LDLRAD3: variants seen among roughly 807,000 people sequenced by gnomAD.
The protein encoded by LDLRAD3 is low-density lipoprotein receptor class A domain-containing protein 3.
LDLRAD3 carries 20 observed loss-of-function variants against 29.4 expected under a neutral mutation model. The observed-to-expected ratio is 0.68, with a 90% confidence interval of 0.48 to 0.99. The LOEUF is 0.99. Ranked by LOEUF, LDLRAD3 falls within the 50% of genes least tolerant of loss-of-function variation. The pLI is 0.00. For synonymous variants in LDLRAD3, 157 were observed against 192.7 expected (o/e 0.81, Z 1.53); for missense variants, 420 against 454.3 (o/e 0.92, Z 0.69).
At chr11:36,228,945 G>A (rs1038032189) in intron 5 of LDLRAD3, among the ~76,000 whole-genome samples, 2 of 152,182 alleles carry the variant, frequency 1.3e-5, no homozygotes, top group Non-Finnish European at 2.9e-5. Flanking sequence ...GGCACCGTCC[G>A]GTCAACACCA....
At chr11:36,180,801 C>T (rs1854750515) in intron 4 of LDLRAD3, among the ~76,000 whole-genome samples, 1 of 151,930 alleles carries the variant, frequency 6.6e-6, no homozygotes, top group Non-Finnish European at 1.5e-5. Context: ...CAGCGTGTGC[C>T]AATTGGTGTG....
intron 1 of LDLRAD3, among the ~76,000 whole-genome samples, chr11:35,974,828 G>C (rs1319364864): frequency 1.3e-5 from 2 of 152,208 alleles, no homozygotes; most frequent in Non-Finnish European, 2.9e-5. Context: ...AGGGGAAGAG[G>C]ATCACACAAG....
At position 35,944,682 on chromosome 11, in the gene LDLRAD3, G is replaced by A. The variant is rs939720555; in HGVS notation, c.46+538G>A. 1.3e-5 allele frequency among the ~76,000 whole-genome samples: 2 copies of A among 152,202 alleles called. No individual in the cohort carries two copies. The highest frequency in any genetic ancestry group is 2.9e-5 in the Non-Finnish European group (2 of 68,036). ...CTTCCTTTCATTCCTCTCTGGGACTGTTTGGTTTGGGTAAAGTGAGTTGAA... is the reference window on the plus strand; with the variant it reads ...CTTCCTTTCATTCCTCTCTGGGACTATTTGGTTTGGGTAAAGTGAGTTGAA... On this transcript the variant is annotated intron_variant, in intron 1 of 5. Coordinates refer to ENST00000315571, the MANE Select transcript of LDLRAD3 (RefSeq NM_174902.4). The surrounding 1 kb of genome is among the most constrained non-coding windows in gnomAD (Gnocchi z 4.9).
At position 36,227,171 on chromosome 11, in the gene LDLRAD3, G is replaced by A. The variant is rs755153900; in HGVS notation, c.541G>A (p.Val181Ile). ...SITYAIIGSS[V>I]IFVLVVALLA... The stretch of plus-strand genomic sequence containing the variant: ...CACCTATGCCATCATCGGCAGCTCC[G>A]TCATTTTTGTGCTGGTGGTGGCCCT... Residue 181 changes from valine to isoleucine, a missense_variant, in exon 5 of 6, where the codon GTC becomes ATC. By Grantham distance (29) the Val-to-Ile change is conservative (BLOSUM62 3). Coordinates refer to ENST00000315571, the MANE Select transcript of LDLRAD3 (RefSeq NM_174902.4). 6.2e-6 allele frequency: 10 copies of A among 1,614,078 alleles called. No individual in the cohort carries two copies. The highest frequency in any genetic ancestry group is 1.1e-5 in the South Asian group (1 of 91,048).
intron 1 of LDLRAD3, among the ~76,000 whole-genome samples, chr11:35,965,392 G>T (rs964532661): frequency 2.0e-5 from 3 of 152,192 alleles, no homozygotes; most frequent in African/African-American, 7.2e-5. Flanking sequence ...GGACCAGGGT[G>T]TTCTTGTAAC....
chr11:36,028,537 C>T (rs1365917453), intron 1 of LDLRAD3, among the ~76,000 whole-genome samples: 1 of 152,086 alleles, frequency 6.6e-6, no homozygotes, highest in Non-Finnish European at 1.5e-5. Context: ...TCTTCTGAAC[C>T]AGGTATGGCT....
intron 4 of LDLRAD3, among the ~76,000 whole-genome samples, chr11:36,200,400 A>G (rs954277081): frequency 3.0e-4 from 45 of 152,074 alleles, no homozygotes; most frequent in African/African-American, 9.9e-4. Context: ...TCAGGACCTC[A>G]TTACTCCCTA....
At chr11:36,164,467 CA>C (rs1854487665) in intron 4 of LDLRAD3, among the ~76,000 whole-genome samples, 1 of 152,174 alleles carries the variant, frequency 6.6e-6, no homozygotes, top group South Asian at 2.1e-4. Flanking sequence ...TTTGCTTGAA[CA>C]GGGTAAAAAA....
chr11:36,052,207 T>A (rs7117083), intron 2 of LDLRAD3, among the ~76,000 whole-genome samples: 89,361 of 152,058 alleles, frequency 0.59, 26,955 homozygotes, highest in African/African-American at 0.74. Flanking sequence ...TGCAGTTAGT[T>A]TGGTGGCCTC....
At chr11:36,102,243 C>T (rs967298371) in intron 4 of LDLRAD3, among the ~76,000 whole-genome samples, 2 of 152,150 alleles carry the variant, frequency 1.3e-5, no homozygotes, top group Non-Finnish European at 2.9e-5. Flanking sequence ...TGCTAAGCAC[C>T]TCTGTACATG....
chr11:35,957,795 C>CAAA (rs1177748172), intron 1 of LDLRAD3, among the ~76,000 whole-genome samples: 8 of 79,244 alleles, frequency 1.0e-4, no homozygotes, highest in African/African-American at 3.1e-4. Context: ...GACCTTATCT[C>CAAA]AAAAAAAAAA....
chr11:36,055,900 A>C (rs1332543527), intron 2 of LDLRAD3, among the ~76,000 whole-genome samples: 2 of 148,206 alleles, frequency 1.3e-5, no homozygotes, highest in East Asian at 4.2e-4. Flanking sequence ...CACATGTAGG[A>C]ATGAGTTTGG....
intron 1 of LDLRAD3, chr11:36,001,106 A>G (rs1851818313): frequency 6.6e-6 from 1 of 152,190 alleles, no homozygotes; most frequent in Non-Finnish European, 1.5e-5. Flanking sequence ...GGAAAAATAG[A>G]TGACAGCCAG....
At chr11:35,964,339 A>T (rs913204869) in intron 1 of LDLRAD3, among the ~76,000 whole-genome samples, 1 of 152,140 alleles carries the variant, frequency 6.6e-6, no homozygotes, top group African/African-American at 2.4e-5. Context: ...ACTGAGTTTC[A>T]GAGAAATTGA....
chr11:36,188,342 A>G (rs1854885745), intron 4 of LDLRAD3, among the ~76,000 whole-genome samples: 1 of 140,948 alleles, frequency 7.1e-6, no homozygotes. Context: ...GTAAATCCAC[A>G]GGGACAAAGA....
At chr11:36,104,493 A>C (rs1244847564) in intron 4 of LDLRAD3, among the ~76,000 whole-genome samples, 2 of 152,120 alleles carry the variant, frequency 1.3e-5, no homozygotes, top group Admixed American at 1.3e-4. Context: ...TCCAATTCTC[A>C]CTGCTCTAAC....
chr11:35,949,767 A>G (rs1366279238), intron 1 of LDLRAD3, among the ~76,000 whole-genome samples: 2 of 152,196 alleles, frequency 1.3e-5, no homozygotes, highest in African/African-American at 2.4e-5. Context: ...GACTAGCCAC[A>G]TAACTTATCT....
chr11:36,102,814 G>A (rs188352632), intron 4 of LDLRAD3, among the ~76,000 whole-genome samples: 1 of 152,238 alleles, frequency 6.6e-6, no homozygotes, highest in East Asian at 1.9e-4. Context: ...AGCAGGTCCT[G>A]CCATATACAT....
intron 1 of LDLRAD3, among the ~76,000 whole-genome samples, chr11:35,989,515 TTTTG>T (rs1420592103): frequency 2.0e-5 from 3 of 152,192 alleles, no homozygotes; most frequent in African/African-American, 4.8e-5. Context: ...GCATGGAAGG[TTTTG>T]TTTGTTTGTT....
Sources: allele counts gnomAD v4.1 joint callset (sites outside exome capture counted in the v4.1 genomes callset), GRCh38; gene constraint gnomAD v4.1.1; non-coding constraint Gnocchi (gnomAD v3.1); transcripts MANE v1.5; gene names NCBI Gene and HGNC (gene_info 2026-07-23, HGNC 2026-07-21).